Variants in LINGO2 observed in about 807,000 individuals in gnomAD.
The protein encoded by LINGO2 is leucine rich repeat and Ig domain containing 2, also known as leucine-rich repeat and immunoglobulin-like domain-containing nogo receptor-interacting protein 2.
LINGO2 carries 14 observed loss-of-function variants against 30.6 expected under a neutral mutation model. The ratio of observed to expected loss-of-function variants is 0.46; its 90% CI spans 0.30 to 0.72. LINGO2 has a LOEUF of 0.72. Ranked by LOEUF, LINGO2 falls within the 30% of genes least tolerant of loss-of-function variation. The pLI, the probability that LINGO2 is intolerant of heterozygous loss-of-function variation, is 0.07. For synonymous variants in LINGO2, 317 were observed against 288.5 expected (o/e 1.10, Z -1.00); for missense variants, 729 against 751.7 (o/e 0.97, Z 0.35).
chr9:28,964,265 G>C, the LINGO2 span, among the ~76,000 whole-genome samples: 23 of 151,856 alleles, frequency 1.5e-4, no homozygotes, highest in Admixed American at 1.2e-3. Context: ...CAGTATTACA[G>C]AACAGAGAAG....
chr9:29,186,665 T>A, the LINGO2 span, among the ~76,000 whole-genome samples: 1 of 152,032 alleles, frequency 6.6e-6, no homozygotes, highest in Admixed American at 6.6e-5. Context: ...TTCCAGAATA[T>A]CTTAGCATTA....
At chr9:28,035,033 T>C (rs563127698) in intron 4 of LINGO2, among the ~76,000 whole-genome samples, 2 of 152,312 alleles carry the variant, frequency 1.3e-5, no homozygotes, top group African/African-American at 4.8e-5. Flanking sequence ...GAACTCAACA[T>C]CCATGCAACT....
chr9:28,526,348 C>T (rs1821038219), intron 1 of LINGO2, among the ~76,000 whole-genome samples: 1 of 152,122 alleles, frequency 6.6e-6, no homozygotes, highest in South Asian at 2.1e-4. Flanking sequence ...GGCTTCTCAA[C>T]AGCAACATCC....
At chr9:29,088,136 T>G in the LINGO2 span, among the ~76,000 whole-genome samples, 1 of 152,290 alleles carries the variant, frequency 6.6e-6, no homozygotes, top group African/African-American at 2.4e-5. Flanking sequence ...GAGTGCTGTC[T>G]CATAGTAAAG....
At chr9:29,176,629 T>C in the LINGO2 span, among the ~76,000 whole-genome samples, 1 of 152,210 alleles carries the variant, frequency 6.6e-6, no homozygotes, top group Admixed American at 6.5e-5. Flanking sequence ...CTAATTACAT[T>C]CTGTGCAGGA....
chr9:28,109,842 A>G (rs1587004060), intron 4 of LINGO2, among the ~76,000 whole-genome samples: 1 of 152,218 alleles, frequency 6.6e-6, no homozygotes, highest in South Asian at 2.1e-4. Context: ...ATTCAATGCT[A>G]TTCCCATCAA....
At chr9:28,717,440 G>A in the LINGO2 span, among the ~76,000 whole-genome samples, 3 of 151,918 alleles carry the variant, frequency 2.0e-5, no homozygotes, top group Admixed American at 1.3e-4. Flanking sequence ...ATTTGGTAGG[G>A]GTGAGGTAAG....
chr9:27,956,953 G>C (rs1819600709), intron 5 of LINGO2, among the ~76,000 whole-genome samples: 2 of 152,002 alleles, frequency 1.3e-5, no homozygotes, highest in Non-Finnish European at 2.9e-5. Flanking sequence ...AAAATAGCCA[G>C]GCATGGTGGC....
At chr9:28,111,703 C>T (rs1412033926) in intron 4 of LINGO2, among the ~76,000 whole-genome samples, 2 of 152,038 alleles carry the variant, frequency 1.3e-5, no homozygotes, top group African/African-American at 4.8e-5. Flanking sequence ...AAATGTAATG[C>T]AAAGGGCTTC....
At chr9:28,508,886 T>C (rs895768060) in intron 1 of LINGO2, among the ~76,000 whole-genome samples, 1 of 152,120 alleles carries the variant, frequency 6.6e-6, no homozygotes, top group Admixed American at 6.6e-5. Context: ...AGCATAGATG[T>C]CATCATCCCT....
chr9:28,738,088 A>T, the LINGO2 span, among the ~76,000 whole-genome samples: 1 of 152,138 alleles, frequency 6.6e-6, no homozygotes, highest in South Asian at 2.1e-4. Flanking sequence ...ATATTGTGAG[A>T]CAAACACCCT....
At chr9:28,806,159 G>A in the LINGO2 span, among the ~76,000 whole-genome samples, 2 of 152,226 alleles carry the variant, frequency 1.3e-5, no homozygotes, top group Admixed American at 1.3e-4. Context: ...ATCATAGAAT[G>A]TCCTAATGGA....
At chr9:28,992,662 T>A in the LINGO2 span, among the ~76,000 whole-genome samples, 3 of 151,874 alleles carry the variant, frequency 2.0e-5, no homozygotes, top group South Asian at 4.2e-4. Context: ...ATAACAAACT[T>A]TCTCTCAGAC....
chr9:28,459,328 A>G (rs1332529475), intron 2 of LINGO2, among the ~76,000 whole-genome samples: 1 of 151,976 alleles, frequency 6.6e-6, no homozygotes, highest in Non-Finnish European at 1.5e-5. Flanking sequence ...AATAACCCCA[A>G]AAGTTAGGTA....
At chr9:29,009,290 G>A in the LINGO2 span, among the ~76,000 whole-genome samples, 5 of 152,136 alleles carry the variant, frequency 3.3e-5, no homozygotes, top group South Asian at 2.1e-4. Context: ...GAACCCCATT[G>A]TCTCAGCCCA....
At chr9:28,474,624 G>T (rs1389715511) in intron 2 of LINGO2, among the ~76,000 whole-genome samples, 1 of 152,026 alleles carries the variant, frequency 6.6e-6, no homozygotes, top group Non-Finnish European at 1.5e-5. Flanking sequence ...TTTGGAAGTT[G>T]ATCTTCTTGT....
the LINGO2 span, among the ~76,000 whole-genome samples, chr9:29,178,960 C>T: frequency 6.6e-6 from 1 of 151,106 alleles, no homozygotes; most frequent in East Asian, 1.9e-4. Context: ...AATCCCATCT[C>T]TAAAATAATT....
intron 1 of LINGO2, among the ~76,000 whole-genome samples, chr9:28,511,280 A>G (rs146384451): frequency 0.012 from 1,792 of 152,296 alleles, 35 homozygotes; most frequent in African/African-American, 0.041. Flanking sequence ...TGCACTTTCC[A>G]TGATGGAAGA....
rs1006293555 is a variant in LINGO2 at position 28,436,480 on chromosome 9, T to C, written c.-279+39460A>G. Among the ~76,000 whole-genome samples the C allele has an allele frequency of 1.9e-4, 28 of 151,122 alleles. 1 individual carries two copies. The highest frequency in any genetic ancestry group is 1.0e-3 in the South Asian group (5 of 4,790). ...TTTATTTATTTATTTATTTTTGAGA[T>C]GGAGTCTCGCTCTGTCGCCAAGGCT... On this transcript the variant is annotated intron_variant, in intron 2 of 5. Transcript: ENST00000379992.
Sources: gnomAD v4.1 joint callset for allele counts (sites outside exome capture counted in the v4.1 genomes callset) on GRCh38, gnomAD v4.1.1 for gene constraint, MANE v1.5 for transcripts, NCBI Gene and HGNC (gene_info 2026-07-23, HGNC 2026-07-21) for gene names.